The following DAB1 variants were observed in gnomAD, a reference collection of about 807,000 sequenced individuals.
DAB1 encodes the protein disabled homolog 1.
Under a neutral mutation model 64.6 loss-of-function variants are expected in DAB1, and 15 were observed. That is an observed-to-expected ratio of 0.23 (90% CI 0.16 to 0.36). The LOEUF (loss-of-function observed/expected upper bound fraction) is 0.36, where lower values mean the gene tolerates loss of function less well. Ranked by LOEUF, DAB1 falls within the 10% of genes least tolerant of loss-of-function variation. The probability of loss-of-function intolerance (pLI) is 1.00; values close to 1 mark genes in which losing one functional copy is unlikely to be tolerated. For missense variants in DAB1, 596 were observed against 706.7 expected, an observed-to-expected ratio of 0.84 and a Z score of 1.78; for synonymous variants, 235 against 251.9, an observed-to-expected ratio of 0.93 and a Z score of 0.64.
intron 4 of DAB1, among the ~76,000 whole-genome samples, chr1:58,250,357 AG>A (rs1407636522): frequency 1.3e-5 from 2 of 152,198 alleles, no homozygotes; most frequent in Non-Finnish European, 2.9e-5. Flanking sequence ...GTGTGGGGCC[AG>A]GGCGCGCGGG....
intron 6 of DAB1, among the ~76,000 whole-genome samples, chr1:57,681,205 A>G (rs1342596395): frequency 6.6e-6 from 1 of 152,212 alleles, no homozygotes; most frequent in Non-Finnish European, 1.5e-5. Context: ...TTGCAGCTAC[A>G]TAACTCCAAT....
intron 3 of DAB1, among the ~76,000 whole-genome samples, chr1:58,427,549 C>A (rs149442462): frequency 1.3e-5 from 2 of 151,990 alleles, no homozygotes; most frequent in Admixed American, 6.6e-5. Flanking sequence ...AAAAGTGATT[C>A]GACTGTTCAT....
intron 1 of DAB1, among the ~76,000 whole-genome samples, chr1:57,832,040 C>T (rs554413689): frequency 6.6e-6 from 1 of 152,206 alleles, no homozygotes; most frequent in African/African-American, 2.4e-5. Flanking sequence ...TGCATATGTA[C>T]GTGCATAATT....
chr1:57,376,713 T>G (rs1045142785), intron 1 of DAB1, among the ~76,000 whole-genome samples: 1 of 152,064 alleles, frequency 6.6e-6, no homozygotes, highest in African/African-American at 2.4e-5. Flanking sequence ...GTTTCATGAG[T>G]GACTGGATGA....
At position 57,422,796 on chromosome 1, in the gene DAB1, C is replaced by T. The variant is rs1570498670; in HGVS notation, c.-137+1134G>A. ...CTGGGAGCAGCCAAGTGGCGTCCGC[C>T]TCTCCAGGCAGCGATCCCTTGTGCC... is the stretch of plus-strand genomic sequence containing the variant. On this transcript the variant is annotated intron_variant, in intron 1 of 14. Transcript: ENST00000371236. 2.0e-5 allele frequency among the ~76,000 whole-genome samples: 3 copies of T among 152,198 alleles called. 1 individual carries two copies. In the East Asian group the frequency reaches 5.8e-4, roughly 29 times the overall value.
chr1:57,682,682 GC>G (rs1035244866), intron 6 of DAB1, among the ~76,000 whole-genome samples: 4 of 152,110 alleles, frequency 2.6e-5, no homozygotes, highest in African/African-American at 9.7e-5. Context: ...AAGGGGCTTT[GC>G]CCAGGGGTAG....
intron 9 of DAB1, among the ~76,000 whole-genome samples, chr1:57,056,075 G>A (rs1332016629): frequency 6.6e-6 from 1 of 152,108 alleles, no homozygotes; most frequent in Non-Finnish European, 1.5e-5. Context: ...GGAGAGTGGA[G>A]AGACTAACTT....
chr1:57,035,146 C>A (rs1430327552), intron 9 of DAB1, among the ~76,000 whole-genome samples: 1 of 152,134 alleles, frequency 6.6e-6, no homozygotes, highest in Non-Finnish European at 1.5e-5. Flanking sequence ...GTGATCCTAT[C>A]ATCTATGGTG....
intron 3 of DAB1, among the ~76,000 whole-genome samples, chr1:58,390,786 T>C (rs1319932476): frequency 6.6e-6 from 1 of 152,154 alleles, no homozygotes; most frequent in East Asian, 1.9e-4. Context: ...TCCTACTTTA[T>C]AGATGAGGAA....
intron 7 of DAB1, among the ~76,000 whole-genome samples, chr1:57,537,669 C>G (rs1055096268): frequency 6.6e-6 from 1 of 152,156 alleles, no homozygotes; most frequent in African/African-American, 2.4e-5. Context: ...TGAAGAGGTA[C>G]TTCTCTTCTT....
At chr1:58,079,893 A>C (rs1188404502) in intron 5 of DAB1, 1 of 152,136 alleles carries the variant, frequency 6.6e-6, no homozygotes. Flanking sequence ...CAGGGATCGA[A>C]TTTTAAGTGT....
At chr1:57,971,860 C>T (rs1013890383) in intron 5 of DAB1, among the ~76,000 whole-genome samples, 3 of 152,130 alleles carry the variant, frequency 2.0e-5, no homozygotes, top group African/African-American at 7.2e-5. Flanking sequence ...GTTAGCCAAA[C>T]CAGATATACC....
At chr1:57,305,532 A>G (rs1024658910) in intron 1 of DAB1, among the ~76,000 whole-genome samples, 2 of 152,206 alleles carry the variant, frequency 1.3e-5, no homozygotes, top group African/African-American at 4.8e-5. Context: ...AGGGGTGAGC[A>G]GAAGACAACC....
chr1:57,918,341 C>T (rs1459595626), intron 5 of DAB1, among the ~76,000 whole-genome samples: 3 of 152,078 alleles, frequency 2.0e-5, no homozygotes, highest in Non-Finnish European at 2.9e-5. Context: ...GTTCTTCAGG[C>T]TAAAAAGTTC....
chr1:57,473,824 TC>T (rs1394585183), intron 7 of DAB1, among the ~76,000 whole-genome samples: 1 of 152,190 alleles, frequency 6.6e-6, no homozygotes, highest in Admixed American at 6.5e-5. Context: ...CTGTAACACT[TC>T]CACCTCTACT....
chr1:58,149,317 T>C (rs1654790750), intron 5 of DAB1, among the ~76,000 whole-genome samples: 1 of 152,112 alleles, frequency 6.6e-6, no homozygotes, highest in Non-Finnish European at 1.5e-5. Context: ...ATTATTATCA[T>C]ATAATTATAA....
intron 9 of DAB1, among the ~76,000 whole-genome samples, chr1:57,031,138 C>T (rs12082861): frequency 0.12 from 18,680 of 152,112 alleles, 1,568 homozygotes; most frequent in East Asian, 0.33. Flanking sequence ...GAAAAACATG[C>T]AGAGGCATAA....
At chr1:57,491,364 C>A (rs1029487089) in intron 7 of DAB1, among the ~76,000 whole-genome samples, 1 of 151,964 alleles carries the variant, frequency 6.6e-6, no homozygotes, top group African/African-American at 2.4e-5. Context: ...GGAGGCGGAG[C>A]TTGCAGTGAG....
intron 1 of DAB1, among the ~76,000 whole-genome samples, chr1:57,856,721 G>A (rs993431193): frequency 6.6e-6 from 1 of 152,058 alleles, no homozygotes; most frequent in African/African-American, 2.4e-5. Flanking sequence ...CCGAGATCAT[G>A]CCACTGCACT....
Sources: gnomAD v4.1 joint callset for allele counts (sites outside exome capture counted in the v4.1 genomes callset) on GRCh38, gnomAD v4.1.1 for gene constraint, MANE v1.5 for transcripts, NCBI Gene and HGNC (gene_info 2026-07-23, HGNC 2026-07-21) for gene names.